NALF1: variants seen among roughly 807,000 people sequenced by gnomAD.
The protein encoded by NALF1 is family with sequence similarity 155 member A.
NALF1 carries 3 observed loss-of-function variants against 48.4 expected under a neutral mutation model. The observed-to-expected ratio is 0.06, with a 90% CI of 0.03 to 0.16. NALF1 has a LOEUF of 0.16. Ranked by LOEUF, NALF1 falls within the 10% of genes least tolerant of loss-of-function variation. The pLI is 1.00. For missense variants in NALF1, 526 were observed against 571.5 expected (o/e 0.92, Z 0.81); for synonymous variants, 262 against 245.7 (o/e 1.07, Z -0.62).
chr13:107,429,904 A>C (rs1884346610), intron 1 of NALF1, among the ~76,000 whole-genome samples: 1 of 152,222 alleles, frequency 6.6e-6, no homozygotes, highest in South Asian at 2.1e-4. Context: ...TGTTTCACAA[A>C]GACCTGGAAT....
At chr13:107,824,587 C>A (rs1879456761) in intron 1 of NALF1, among the ~76,000 whole-genome samples, 1 of 152,100 alleles carries the variant, frequency 6.6e-6, no homozygotes, top group African/African-American at 2.4e-5. Flanking sequence ...GAAATTCTGG[C>A]CTGTACTAAT....
At position 107,632,056 on chromosome 13, in the gene NALF1, C is replaced by T. The variant is rs139264597; in HGVS notation, c.915+233626G>A. ...TATATGTTAATAAAAGTAAATTATA[C>T]CTATTGTATTATCAAAGATGTTTGG... On this transcript the variant is annotated intron_variant, in intron 1 of 2. Coordinates refer to ENST00000375915, the MANE Select transcript of NALF1 (RefSeq NM_001080396.3). Among the ~76,000 whole-genome samples, 136 of 152,144 alleles carry T rather than the reference C, an allele frequency of 8.9e-4. 5 individuals carry two copies. Among genetic ancestry groups the T allele is most frequent in the Admixed American group, 8.7e-3 (133 of 15,270 alleles).
intron 1 of NALF1, among the ~76,000 whole-genome samples, chr13:107,322,967 A>C (rs1369088704): frequency 6.6e-6 from 1 of 152,088 alleles, no homozygotes; most frequent in Non-Finnish European, 1.5e-5. Context: ...ATATACCCAG[A>C]GCTTTTATTT....
At chr13:107,667,094 T>C (rs766049565) in intron 1 of NALF1, among the ~76,000 whole-genome samples, 3 of 152,118 alleles carry the variant, frequency 2.0e-5, no homozygotes, top group South Asian at 2.1e-4. Flanking sequence ...TAGATTTTTA[T>C]AGTTTCATCT....
intron 1 of NALF1, among the ~76,000 whole-genome samples, chr13:107,321,344 G>A (rs1257323217): frequency 1.3e-5 from 2 of 151,976 alleles, no homozygotes; most frequent in African/African-American, 2.4e-5. Flanking sequence ...TGAGAACATC[G>A]CAAGAGATTG....
In NALF1 at chr13:107,170,129, TAG is replaced by T. The variant is rs2138761964; in HGVS notation, c.*366_*367del. The T allele has an allele frequency of 5.1e-6, 1 of 197,364 alleles. No individual in the cohort carries two copies. The highest frequency in any genetic ancestry group is 2.3e-5 in the African/African-American group (1 of 43,192). The allele number at this position is 197,364 out of a possible 1,614,324, so 12.2% of individuals were successfully genotyped here. Reference sequence around the variant, plus strand: ...CAATGACTAGAAATATATAGAGAGATAGAGACAGTGAAAAGACTTAGTTTACC... The same window carrying T: ...CAATGACTAGAAATATATAGAGAGATAGACAGTGAAAAGACTTAGTTTACC... On this transcript the variant is annotated 3_prime_UTR_variant, in exon 3 of 3. Coordinates refer to ENST00000375915, the MANE Select transcript of NALF1 (RefSeq NM_001080396.3).
intron 1 of NALF1, among the ~76,000 whole-genome samples, chr13:107,806,457 C>T (rs1339298933): frequency 1.3e-5 from 2 of 151,984 alleles, no homozygotes; most frequent in African/African-American, 4.8e-5. Flanking sequence ...CATATTTTGT[C>T]CATTTCTTAA....
chr13:107,619,856 A>G (rs1488006193), intron 1 of NALF1, among the ~76,000 whole-genome samples: 1 of 152,276 alleles, frequency 6.6e-6, no homozygotes, highest in Non-Finnish European at 1.5e-5. Flanking sequence ...TAGCCAAACA[A>G]CACAAACTGA....
At chr13:107,200,550 T>A (rs72664795) in intron 2 of NALF1, among the ~76,000 whole-genome samples, 1,903 of 152,314 alleles carry the variant, frequency 0.012, 26 homozygotes, top group Admixed American at 0.016. Flanking sequence ...TAGACATTTA[T>A]TTTACAGTAA....
chr13:107,821,403 A>G (rs1472923034), intron 1 of NALF1, among the ~76,000 whole-genome samples: 1 of 152,158 alleles, frequency 6.6e-6, no homozygotes, highest in East Asian at 1.9e-4. Flanking sequence ...GAGATGACGC[A>G]CCCTTTGAGA....
intron 1 of NALF1, among the ~76,000 whole-genome samples, chr13:107,236,768 T>A (rs1218516524): frequency 2.6e-5 from 4 of 152,022 alleles, no homozygotes; most frequent in Non-Finnish European, 5.9e-5. Context: ...ATCTGTGAAT[T>A]CTGCATCCAT....
At chr13:107,654,146 T>C (rs1880517595) in intron 1 of NALF1, among the ~76,000 whole-genome samples, 1 of 151,774 alleles carries the variant, frequency 6.6e-6, no homozygotes. Context: ...AGTGAGATTA[T>C]CCAAGAAAAA....
Position 107,187,623 on chromosome 13 carries a change from C to T in NALF1, c.1088-16837G>A, listed in dbSNP as rs181298575. On this transcript the variant is annotated intron_variant, in intron 2 of 2. Coordinates refer to ENST00000375915, the MANE Select transcript of NALF1 (RefSeq NM_001080396.3). ...TGGTTTTATGGAGTGAACAACACCA[C>T]GCATACGTGGGAATGGAGACAGCCG... Among the ~76,000 whole-genome samples the T allele has an allele frequency of 1.2e-4, 19 of 152,306 alleles. No individual in the cohort carries two copies. The East Asian group carries it at 3.1e-3, about 25-fold the overall frequency.
At chr13:107,500,174 G>C (rs993291511) in intron 1 of NALF1, among the ~76,000 whole-genome samples, 2 of 152,084 alleles carry the variant, frequency 1.3e-5, no homozygotes, top group African/African-American at 2.4e-5. Context: ...CACTGTTTTG[G>C]TTTTGTTGTA....
At chr13:107,560,119 G>A (rs886405191) in intron 1 of NALF1, among the ~76,000 whole-genome samples, 1 of 152,182 alleles carries the variant, frequency 6.6e-6, no homozygotes, top group African/African-American at 2.4e-5. Context: ...GGGAAGACAA[G>A]CTGGTTTGGA....
intron 1 of NALF1, among the ~76,000 whole-genome samples, chr13:107,701,633 T>C (rs1250974222): frequency 3.3e-5 from 5 of 152,154 alleles, no homozygotes; most frequent in South Asian, 2.1e-4. Context: ...GTAGCAGATA[T>C]GTACAATAAA....
intron 1 of NALF1, chr13:107,835,532 A>T (rs1245036676): frequency 6.6e-6 from 1 of 152,176 alleles, no homozygotes; most frequent in Non-Finnish European, 1.5e-5. Flanking sequence ...GGCTTTTGTC[A>T]CTTGAGGCTT....
At chr13:107,755,019 G>GT (rs1191920579) in intron 1 of NALF1, among the ~76,000 whole-genome samples, 23 of 152,132 alleles carry the variant, frequency 1.5e-4, no homozygotes, top group African/African-American at 5.6e-4. Flanking sequence ...GTCTCCTTCA[G>GT]TAACTGTGTA....
intron 1 of NALF1, among the ~76,000 whole-genome samples, chr13:107,612,126 G>T (rs1181562245): frequency 3.9e-5 from 2 of 51,554 alleles, no homozygotes; most frequent in Non-Finnish European, 7.5e-5. Context: ...AGGGGGGAGG[G>T]GAGGAGGAGT....
Sources: allele counts gnomAD v4.1 joint callset (sites outside exome capture counted in the v4.1 genomes callset), GRCh38; gene constraint gnomAD v4.1.1; transcripts MANE v1.5; gene names NCBI Gene and HGNC (gene_info 2026-07-23, HGNC 2026-07-21).